Variants in EXOC3L2 observed in about 807,000 individuals in gnomAD.
EXOC3L2 encodes exocyst complex component 3 like 2, also known as exocyst complex component 3-like protein 2.
EXOC3L2 carries 17 observed loss-of-function variants against 44.4 expected under a neutral mutation model. The observed-to-expected ratio is 0.38, with a 90% CI of 0.26 to 0.57. The LOEUF (loss-of-function observed/expected upper bound fraction) is 0.57, where lower values mean the gene tolerates loss of function less well. EXOC3L2 is among the 20% of genes least tolerant of loss of function. EXOC3L2 has a pLI of 0.65. For missense variants in EXOC3L2, 541 were observed against 588.4 expected, an observed-to-expected ratio of 0.92 and a Z score of 0.83; for synonymous variants, 256 against 253.7, an observed-to-expected ratio of 1.01 and a Z score of -0.09.
At chr19:45,236,570 T>C (rs1169900132) in intron 2 of EXOC3L2, among the ~76,000 whole-genome samples, 1 of 145,400 alleles carries the variant, frequency 6.9e-6, no homozygotes, top group Non-Finnish European at 1.5e-5. Flanking sequence ...AAAATGGAGG[T>C]TGGGGATGGG....
At chr19:45,228,570 A>C (rs567980672) in intron 4 of EXOC3L2, among the ~76,000 whole-genome samples, 137 of 152,278 alleles carry the variant, frequency 9.0e-4, no homozygotes, top group African/African-American at 3.2e-3. Context: ...TCAACAGTTC[A>C]AGACCAGCCT....
chr19:45,226,972 C>T (rs1212191520), intron 7 of EXOC3L2, among the ~76,000 whole-genome samples: 2 of 139,294 alleles, frequency 1.4e-5, no homozygotes, highest in African/African-American at 5.5e-5. Context: ...CCAGGATGGT[C>T]TCGATCTCCT....
chr19:45,237,872 C>G (rs1169492513), intron 2 of EXOC3L2, among the ~76,000 whole-genome samples: 1 of 152,058 alleles, frequency 6.6e-6, no homozygotes, highest in Non-Finnish European at 1.5e-5. Flanking sequence ...GGCCACACGC[C>G]GTGGCTCAAG....
At chr19:45,222,063 T>C (rs1459862869) in intron 8 of EXOC3L2, among the ~76,000 whole-genome samples, 2 of 151,842 alleles carry the variant, frequency 1.3e-5, no homozygotes, top group Non-Finnish European at 2.9e-5. Flanking sequence ...CACATACACA[T>C]GCACACTCAT....
At chr19:45,216,756 G>A (rs1969839517) in intron 10 of EXOC3L2, 1 of 152,430 alleles carries the variant, frequency 6.6e-6, no homozygotes, top group African/African-American at 2.4e-5. Context: ...CGGGGATGGA[G>A]ACTGGACAAA....
Position 45,244,196 on chromosome 19 carries a change from C to T in EXOC3L2, c.-17+1145G>A, listed in dbSNP as rs143761653. Among the ~76,000 whole-genome samples the T allele has an allele frequency of 8.2e-3, 1,249 of 152,232 alleles. 22 individuals are homozygous for T. Among genetic ancestry groups the T allele is most frequent in the African/African-American group, 0.028 (1,178 of 41,544 alleles). ...CCAGCCTCCCAAAGTGCTGGGATTA[C>T]AGTCATGAGCCACCACACCCAGCCT... On this transcript the variant is annotated intron_variant, in intron 1 of 11. Coordinates refer to ENST00000413988, the MANE Select transcript of EXOC3L2 (RefSeq NM_001382422.1).
At chr19:45,237,234 T>G (rs973985591) in intron 2 of EXOC3L2, among the ~76,000 whole-genome samples, 2 of 152,108 alleles carry the variant, frequency 1.3e-5, no homozygotes, top group Non-Finnish European at 2.9e-5. Context: ...GCGCAGTGGC[T>G]CATGCCTGTC....
intron 2 of EXOC3L2, among the ~76,000 whole-genome samples, chr19:45,236,113 G>A (rs542449409): frequency 6.6e-6 from 1 of 151,952 alleles, no homozygotes; most frequent in South Asian, 2.1e-4. Context: ...GGTCTGGGTA[G>A]GGATGAGGTT....
At chr19:45,235,539 G>T (rs965047545) in intron 2 of EXOC3L2, among the ~76,000 whole-genome samples, 1 of 152,016 alleles carries the variant, frequency 6.6e-6, no homozygotes, top group South Asian at 2.1e-4. Context: ...TTTGGGGTGG[G>T]GATGGCTGTG....
At chr19:45,221,473 T>G (rs1055361462) in intron 8 of EXOC3L2, among the ~76,000 whole-genome samples, 3 of 151,974 alleles carry the variant, frequency 2.0e-5, no homozygotes, top group Non-Finnish European at 4.4e-5. Context: ...CCTACTCTCC[T>G]GAGTAGCTGG....
chr19:45,244,806 C>T (rs1970156943), intron 1 of EXOC3L2, among the ~76,000 whole-genome samples: 1 of 152,090 alleles, frequency 6.6e-6, no homozygotes. Flanking sequence ...CAACCCCAAC[C>T]AGTGCAACCC....
In EXOC3L2 at chr19:45,234,012, G is replaced by A. The variant is rs995485466; in HGVS notation, c.1157+181C>T. On this transcript the variant is annotated intron_variant, in intron 3 of 11. Coordinates refer to ENST00000413988, the MANE Select transcript of EXOC3L2 (RefSeq NM_001382422.1). This position sits in a 1 kb window ranked among gnomAD's most constrained non-coding sequence, Gnocchi z 5.0. ...CTAAGGTGCTGGAACCGGAAGCCTC[G>A]GTAGCAGTGAGAGTCTAGGATTGTA... is the stretch of plus-strand genomic sequence containing the variant. 6.6e-6 allele frequency among the ~76,000 whole-genome samples: 1 copy of A among 152,138 alleles called. No individual in the cohort carries two copies. Among genetic ancestry groups the A allele is most frequent in the Non-Finnish European group, 1.5e-5 (1 of 68,026 alleles).
chr19:45,241,231 C>CT (rs2122995419), intron 1 of EXOC3L2, among the ~76,000 whole-genome samples: 2 of 152,282 alleles, frequency 1.3e-5, no homozygotes, highest in Admixed American at 1.3e-4. Flanking sequence ...TGGCTCACGC[C>CT]TGTAATCCCA....
At chr19:45,229,787 G>A (rs1413110033) in intron 4 of EXOC3L2, among the ~76,000 whole-genome samples, 1 of 149,738 alleles carries the variant, frequency 6.7e-6, no homozygotes, top group African/African-American at 2.4e-5. Flanking sequence ...GGAGGTTGCG[G>A]TGAGCCGAGT....
rs546141963 is a variant in EXOC3L2 at position 45,224,808 on chromosome 19, G to A, written c.1689C>T (p.Val563=). 127 of 1,570,116 alleles carry A rather than the reference G, an allele frequency of 8.1e-5. No homozygotes were observed. Among genetic ancestry groups the A allele is most frequent in the East Asian group, 2.4e-4 (10 of 42,256 alleles). Reference sequence around the variant, plus strand: ...GCTCCTGGAACAGCAGGTTGGCCACGACACGGTGGCAGAGCCGGGTCACAT... The same window carrying A: ...GCTCCTGGAACAGCAGGTTGGCCACAACACGGTGGCAGAGCCGGGTCACAT... ...LDHVTRLCHR[V]VANLLFQELQ... The change falls in exon 8 of 12, where the codon GTC becomes GTT. Residue 563 remains valine, a synonymous_variant. Coordinates refer to ENST00000413988, the MANE Select transcript of EXOC3L2 (RefSeq NM_001382422.1).
chr19:45,218,158 T>TAGCC, intron 9 of EXOC3L2, 39 bp downstream of exon 9: 2 of 1,034,906 alleles, frequency 1.9e-6, no homozygotes, highest in Non-Finnish European at 2.7e-6. Context: ...TCCCCTCTTT[T>TAGCC]CCCCCACCCC....
chr19:45,240,255 C>A (rs1164005208), intron 1 of EXOC3L2, among the ~76,000 whole-genome samples: 1 of 151,650 alleles, frequency 6.6e-6, no homozygotes, highest in East Asian at 1.9e-4. Flanking sequence ...CAGGTGTGTA[C>A]CACCATGCCC....
intron 2 of EXOC3L2, among the ~76,000 whole-genome samples, chr19:45,235,775 G>C (rs1236788855): frequency 6.6e-6 from 1 of 152,174 alleles, no homozygotes; most frequent in East Asian, 1.9e-4. Context: ...CCTCCCTCCA[G>C]TGCCCTCCCA....
intron 3 of EXOC3L2, 34 bp from the exon 4 acceptor site, chr19:45,231,908 GA>G: frequency 6.7e-7 from 1 of 1,482,762 alleles, no homozygotes; most frequent in South Asian, 1.2e-5. Context: ...GGAGGTCTGT[GA>G]AAAGTGGGGC....
Sources: gnomAD v4.1 joint callset for allele counts (sites outside exome capture counted in the v4.1 genomes callset) on GRCh38, gnomAD v4.1.1 for gene constraint, Gnocchi (gnomAD v3.1) non-coding constraint, MANE v1.5 for transcripts, NCBI Gene and HGNC (gene_info 2026-07-23, HGNC 2026-07-21) for gene names.